Variants in NRK observed in about 807,000 individuals in gnomAD.
NRK encodes Nik related kinase, also known as nik-related protein kinase.
NRK carries 67 observed loss-of-function variants against 125.2 expected under a neutral mutation model. That is an observed-to-expected ratio of 0.54 (90% CI 0.44 to 0.66). The LOEUF (loss-of-function observed/expected upper bound fraction) is 0.66, where lower values mean the gene tolerates loss of function less well. Ranked by LOEUF, NRK falls within the 30% of genes least tolerant of loss-of-function variation. NRK has a pLI of 0.00. For synonymous variants in NRK, 458 were observed against 429.0 expected (o/e 1.07, Z -0.84); for missense variants, 1,224 against 1,192.9 (o/e 1.03, Z -0.38).
At chrX:105,906,764 C>CATGT (rs1335213257) in intron 11 of NRK, among the ~76,000 whole-genome samples, 175 bp downstream of exon 11, 5 of 87,537 alleles carry the variant, frequency 5.7e-5, no homozygotes, top group African/African-American at 8.4e-5. Flanking sequence ...TTTTCTCTTG[C>CATGT]GTGTGTGTGT....
Position 105,858,247 on chromosome X carries a change from T to C in NRK, c.124-21952T>C, listed in dbSNP as rs183169213. Among the ~76,000 whole-genome samples, 26 of 110,577 alleles carry C rather than the reference T, an allele frequency of 2.4e-4. No homozygotes were observed. The Admixed American group carries it at 2.4e-3, about 10-fold the overall frequency. ...TCTGGGGTAGTGAGACTATTCTTCATGTTGATTGTGGTGGTGATTATGTGA... is the reference window on the plus strand; with the variant it reads ...TCTGGGGTAGTGAGACTATTCTTCACGTTGATTGTGGTGGTGATTATGTGA... On this transcript the variant is annotated intron_variant, in intron 2 of 28. Transcript: ENST00000243300.
intron 2 of NRK, among the ~76,000 whole-genome samples, chrX:105,843,610 G>A (rs1324454782): frequency 8.9e-6 from 1 of 111,980 alleles, no homozygotes; most frequent in Non-Finnish European, 1.9e-5. Context: ...ACTTTCTGCT[G>A]AATGAGTCAT....
Position 105,823,337 on chromosome X carries a change from C to T in NRK, c.57+435C>T, listed in dbSNP as rs181932683. On this transcript the variant is annotated intron_variant, in intron 1 of 28. Transcript: ENST00000243300. ...CCCCATCGTTTGCTGCTTCTTTTGC[C>T]ATGGGAGATGCTTACTTGCGGGGTG... Among the ~76,000 whole-genome samples, 46 of 112,063 alleles carry T rather than the reference C, an allele frequency of 4.1e-4. No individual in the cohort carries two copies. The East Asian group carries it at 0.012, about 30-fold the overall frequency.
At chrX:105,928,911 G>C (rs977374770) in intron 19 of NRK, among the ~76,000 whole-genome samples, 1 of 111,739 alleles carries the variant, frequency 8.9e-6, no homozygotes, top group African/African-American at 3.2e-5. Flanking sequence ...CATATGGTCA[G>C]TCTTAGAGAA....
At chrX:105,937,338 A>T in intron 21 of NRK, 101 bp from the exon 22 acceptor site, 1 of 399,912 alleles carries the variant, frequency 2.5e-6, no homozygotes, top group Non-Finnish European at 4.4e-6. Context: ...CTGATAAGTC[A>T]TCTTTACATA....
chrX:105,857,340 T>G (rs2039543591), intron 2 of NRK, among the ~76,000 whole-genome samples: 1 of 111,376 alleles, frequency 9.0e-6, no homozygotes, highest in Non-Finnish European at 1.9e-5. Context: ...AATTTATAAA[T>G]TAAACCCCAC....
intron 16 of NRK, among the ~76,000 whole-genome samples, chrX:105,921,238 A>T (rs957548475): frequency 3.8e-5 from 4 of 105,118 alleles, no homozygotes; most frequent in African/African-American, 1.0e-4. Flanking sequence ...AGAACAAAAA[A>T]CCAAACACCG....
At chrX:105,953,259 T>C in intron 28 of NRK, 86 bp downstream of exon 28, 1 of 721,001 alleles carries the variant, frequency 1.4e-6, no homozygotes, top group Non-Finnish European at 1.9e-6. Context: ...CTTTTCCTTC[T>C]GGCTATAAAT....
intron 12 of NRK, 147 bp from the exon 13 acceptor site, chrX:105,908,579 AC>A: frequency 1.4e-6 from 1 of 718,305 alleles, no homozygotes; most frequent in Non-Finnish European, 2.0e-6. Flanking sequence ...AATATTTCAG[AC>A]ATCAAGGGAA....
At chrX:105,854,619 G>T (rs758322303) in intron 2 of NRK, among the ~76,000 whole-genome samples, 2 of 111,661 alleles carry the variant, frequency 1.8e-5, no homozygotes, top group Non-Finnish European at 3.8e-5. Context: ...ACCCAGGTTC[G>T]CTGTGTTCTG....
At position 105,831,096 on chromosome X, in the gene NRK, G is replaced by C; in HGVS notation, c.100G>C (p.Gly34Arg). The change falls in exon 2 of 29, where the codon GGT becomes CGT. Residue 34 changes from glycine to arginine, a missense_variant. Coordinates refer to ENST00000243300, the MANE Select transcript of NRK (RefSeq NM_198465.4). ...IFSLDKTIGL[G>R]TYGRIYLGLH... ...CTCACTAGATAAAACCATTGGCCTT[G>C]GTACTTATGGCAGAATCTATTTGGT... 1.8e-6 allele frequency: 2 copies of C among 1,140,745 alleles called. No homozygotes were observed. Among genetic ancestry groups the C allele is most frequent in the Non-Finnish European group, 2.4e-6 (2 of 836,464 alleles). The allele number at this position is 1,140,745 out of a possible 1,213,427, so 94.0% of individuals were successfully genotyped here.
chrX:105,876,996 A>C (rs867213420), intron 2 of NRK, among the ~76,000 whole-genome samples: 31 of 111,811 alleles, frequency 2.8e-4, no homozygotes, highest in African/African-American at 1.0e-3. Context: ...TAGAGTATGA[A>C]AGGGAAAAAT....
intron 2 of NRK, among the ~76,000 whole-genome samples, chrX:105,842,287 C>CA (rs1302984776): frequency 9.0e-6 from 1 of 110,975 alleles, no homozygotes; most frequent in Non-Finnish European, 1.9e-5. Context: ...TGGATGTGGA[C>CA]AAGCAGATAG....
In NRK at chrX:105,908,768, G is replaced by A; in HGVS notation, c.1127G>A (p.Ser376Asn). 8.3e-7 allele frequency: 1 copy of A among 1,204,723 alleles called. No homozygotes were observed. ...CACGAGCTTCTGAGATTGCCAACCAGCAGCAGATGCAGACCACTTAGAGTC... is the reference window on the plus strand; with the variant it reads ...CACGAGCTTCTGAGATTGCCAACCAACAGCAGATGCAGACCACTTAGAGTC... ...CTHELLRLPT[S>N]SRCRPLRVLH... Residue 376 changes from serine to asparagine, a missense_variant, in exon 13 of 29, where the codon AGC becomes AAC. Physicochemically the swap from Ser to Asn is conservative, Grantham distance 46. Transcript: ENST00000243300.
Position 105,895,458 on chromosome X carries a change from G to A in NRK, c.515G>A (p.Arg172Gln), listed in dbSNP as rs760958200. ...LQGLAHLHAH[R>Q]VIHRDIKGQN... ...GGCTTAGCTCACCTTCACGCACACC[G>A]AGTAATTCACCGGGACATCAAAGGT... The change falls in exon 7 of 29, where the codon CGA (arginine) becomes CAA (glutamine). Residue 172 changes from arginine (R) to glutamine (Q), a missense_variant. Physicochemically the swap from Arg to Gln is conservative, Grantham distance 43. Transcript: ENST00000243300. 6 of 1,203,268 alleles carry A rather than the reference G, an allele frequency of 5.0e-6. No individual in the cohort carries two copies. Among genetic ancestry groups the A allele is most frequent in the Admixed American group, 4.4e-5 (2 of 45,562 alleles).
chrX:105,846,867 G>A (rs1159778800), intron 2 of NRK, among the ~76,000 whole-genome samples: 3 of 112,187 alleles, frequency 2.7e-5, no homozygotes, highest in Non-Finnish European at 3.8e-5. Flanking sequence ...AGAGCTTATT[G>A]TATACCAGAT....
intron 2 of NRK, among the ~76,000 whole-genome samples, chrX:105,867,031 C>G (rs189796792): frequency 3.6e-5 from 4 of 110,537 alleles, no homozygotes; most frequent in African/African-American, 1.3e-4. Context: ...AAACATATAC[C>G]TTGGTATAGT....
At chrX:105,938,705 G>T (rs1320368601) in intron 22 of NRK, among the ~76,000 whole-genome samples, 1 of 111,899 alleles carries the variant, frequency 8.9e-6, no homozygotes, top group East Asian at 2.8e-4. Context: ...GTACTCAGTA[G>T]TTTAAAGCAC....
intron 2 of NRK, among the ~76,000 whole-genome samples, chrX:105,832,034 G>T (rs2039199888): frequency 9.0e-6 from 1 of 111,458 alleles, no homozygotes; most frequent in Admixed American, 9.6e-5. Context: ...ATATATCAGG[G>T]ACTTGAGCAT....
Sources: allele counts gnomAD v4.1 joint callset (sites outside exome capture counted in the v4.1 genomes callset), GRCh38; gene constraint gnomAD v4.1.1; transcripts MANE v1.5; gene names NCBI Gene and HGNC (gene_info 2026-07-23, HGNC 2026-07-21).